SPARCL1: variants seen among roughly 807,000 people sequenced by gnomAD.
SPARCL1 encodes the protein SPARC like 1.
SPARCL1 carries 52 observed loss-of-function variants against 67.1 expected under a neutral mutation model. That is an observed-to-expected ratio of 0.78 (90% CI 0.62 to 0.98). The LOEUF is 0.98. Among genes scored for constraint, SPARCL1 ranks in the 50% least tolerant of loss-of-function variants. The probability of loss-of-function intolerance (pLI) is 0.00; values close to 1 mark genes in which losing one functional copy is unlikely to be tolerated. For synonymous variants in SPARCL1, 226 were observed against 267.8 expected (o/e 0.84, Z 1.52); for missense variants, 717 against 782.4 (o/e 0.92, Z 1.00).
intron 4 of SPARCL1, among the ~76,000 whole-genome samples, chr4:87,491,892 C>T (rs1357470578): frequency 1.4e-5 from 2 of 147,144 alleles, no homozygotes; most frequent in Non-Finnish European, 3.0e-5. Flanking sequence ...ATCACTTGAG[C>T]CCAGGAGTTT....
At chr4:87,525,983 T>G (rs1726024029) in intron 1 of SPARCL1, among the ~76,000 whole-genome samples, 1 of 152,102 alleles carries the variant, frequency 6.6e-6, no homozygotes, top group South Asian at 2.1e-4. Context: ...TGAATTTCAG[T>G]TAGAGAGGAA....
intron 4 of SPARCL1, among the ~76,000 whole-genome samples, chr4:87,492,621 T>G (rs2110227200): frequency 6.6e-6 from 1 of 152,326 alleles, no homozygotes; most frequent in East Asian, 1.9e-4. Context: ...GATTTTGTAG[T>G]TAAGCCAGAG....
chr4:87,488,841 C>T (rs950981323), intron 7 of SPARCL1, among the ~76,000 whole-genome samples: 2 of 152,276 alleles, frequency 1.3e-5, no homozygotes, highest in Non-Finnish European at 2.9e-5. Flanking sequence ...CTGGTGCTGC[C>T]GTGGGCTCCA....
At chr4:87,521,694 A>G (rs1725825095) in intron 1 of SPARCL1, among the ~76,000 whole-genome samples, 1 of 152,232 alleles carries the variant, frequency 6.6e-6, no homozygotes, top group Non-Finnish European at 1.5e-5. Context: ...CTTTGTCTAA[A>G]GTTTAATGAA....
At chr4:87,489,375 A>G (rs1343309445) in intron 7 of SPARCL1, among the ~76,000 whole-genome samples, 1 of 152,148 alleles carries the variant, frequency 6.6e-6, no homozygotes, top group African/African-American at 2.4e-5. Flanking sequence ...TTACTGGGTG[A>G]GGCAACACCC....
chr4:87,486,153 G>T (rs58233878), intron 7 of SPARCL1, among the ~76,000 whole-genome samples: 1 of 151,692 alleles, frequency 6.6e-6, no homozygotes, highest in Non-Finnish European at 1.5e-5. Context: ...TTTAATTGTG[G>T]TGCTAGGGTG....
In SPARCL1 at chr4:87,490,338, T is replaced by C. The variant is rs377698868; in HGVS notation, c.1466A>G (p.Lys489Arg). 4 of 1,613,604 alleles carry C rather than the reference T, an allele frequency of 2.5e-6. No homozygotes were observed. Among genetic ancestry groups the C allele is most frequent in the Non-Finnish European group, 3.4e-6 (4 of 1,179,764 alleles). ...YASSCHLFAT[K>R]CRLEGTKKGH... ...CTTTTTGGTCCCCTCCAGTCTGCAT[T>C]TAGTAGCGAATAGATGACAGGAACT... Residue 489 changes from lysine (K) to arginine (R), a missense_variant, in exon 7 of 11, where the codon AAA becomes AGA. Lys to Arg is a conservative substitution (Grantham distance 26). Transcript: ENST00000282470.
chr4:87,524,747 G>A (rs561185387), intron 1 of SPARCL1, among the ~76,000 whole-genome samples: 1 of 152,294 alleles, frequency 6.6e-6, no homozygotes, highest in African/African-American at 2.4e-5. Context: ...TCAGTGATTG[G>A]CTTTCTACGA....
At chr4:87,482,357 C>A in intron 8 of SPARCL1, 67 bp downstream of exon 8, 1 of 1,559,516 alleles carries the variant, frequency 6.4e-7, no homozygotes, top group South Asian at 1.1e-5. Flanking sequence ...GGTAGCCCCC[C>A]CACCACGTCT....
At chr4:87,482,650 A>C in intron 7 of SPARCL1, 90 bp from the exon 8 acceptor site, 1 of 1,434,650 alleles carries the variant, frequency 7.0e-7, no homozygotes, top group Non-Finnish European at 9.7e-7. Flanking sequence ...GACTTCTGGC[A>C]ACTGACAGAG....
chr4:87,497,112 C>T, intron 2 of SPARCL1: 1 of 466,074 alleles, frequency 2.1e-6, no homozygotes, highest in Non-Finnish European at 2.8e-6. Context: ...AAACTCCTGG[C>T]CTCAAGTGAT....
intron 1 of SPARCL1, among the ~76,000 whole-genome samples, chr4:87,501,379 C>A (rs138421139): frequency 7.7e-4 from 117 of 152,196 alleles, no homozygotes; most frequent in Non-Finnish European, 1.3e-3. Flanking sequence ...AGCACATACT[C>A]CATAAGTTTC....
intron 2 of SPARCL1, among the ~76,000 whole-genome samples, chr4:87,496,226 T>C (rs1724614919): frequency 6.6e-6 from 1 of 152,126 alleles, no homozygotes; most frequent in African/African-American, 2.4e-5. Context: ...AATTAATTCA[T>C]TATATTAATT....
chr4:87,495,067 T>G lies in SPARCL1; in HGVS notation c.115A>C (p.Asn39His). 6.2e-7 allele frequency: 1 copy of G among 1,613,206 alleles called. No individual in the cohort carries two copies. The highest frequency in any genetic ancestry group is 8.5e-7 in the Non-Finnish European group (1 of 1,179,722). The stretch of plus-strand genomic sequence containing the variant: ...GCCCTTAAACTGGGGATTGCAGTGT[T>G]GTCAGGTGCTACCGTTTCAGCAGTT... ...KPTAETVAPD[N>H]TAIPSLRAEA... Residue 39 changes from asparagine (N) to histidine (H), a missense_variant, in exon 3 of 11, where the codon AAC (asparagine) becomes CAC (histidine). Coordinates refer to ENST00000282470, the MANE Select transcript of SPARCL1 (RefSeq NM_004684.6).
intron 7 of SPARCL1, among the ~76,000 whole-genome samples, chr4:87,487,131 C>T (rs191013236): frequency 5.9e-5 from 9 of 151,862 alleles, no homozygotes; most frequent in Admixed American, 5.9e-4. Context: ...TTGATCCTGT[C>T]ATTATGATGC....
At chr4:87,528,909 T>C (rs1426208977) in intron 1 of SPARCL1, 136 bp downstream of exon 1, 2 of 152,230 alleles carry the variant, frequency 1.3e-5, no homozygotes, top group Non-Finnish European at 1.5e-5. Context: ...ATCTTTTCTG[T>C]AAATCACACA....
intron 1 of SPARCL1, among the ~76,000 whole-genome samples, chr4:87,526,033 C>T (rs917109860): frequency 1.4e-4 from 22 of 152,188 alleles, no homozygotes; most frequent in African/African-American, 4.6e-4. Flanking sequence ...CTATTCTTGC[C>T]TTTAGAAGAG....
intron 1 of SPARCL1, among the ~76,000 whole-genome samples, chr4:87,524,881 A>T (rs781218237): frequency 7.9e-5 from 12 of 152,156 alleles, no homozygotes; most frequent in Non-Finnish European, 1.3e-4. Context: ...TACAATGATC[A>T]TCTTGGCATG....
chr4:87,495,179 C>T, intron 2 of SPARCL1, 52 bp from the exon 3 acceptor site: 5 of 1,494,278 alleles, frequency 3.3e-6, no homozygotes, highest in Non-Finnish European at 4.6e-6. Flanking sequence ...TGCTAATTTA[C>T]AAATTTGCTA....
Sources: allele counts gnomAD v4.1 joint callset (sites outside exome capture counted in the v4.1 genomes callset), GRCh38; gene constraint gnomAD v4.1.1; transcripts MANE v1.5; gene names NCBI Gene and HGNC (gene_info 2026-07-23, HGNC 2026-07-21).